The following CDH20 variants were observed in gnomAD, a reference collection of about 807,000 sequenced individuals.
The protein encoded by CDH20 is cadherin-20.
In CDH20, 29 loss-of-function variants were observed where a neutral mutation model predicts 74.2. The observed-to-expected ratio is 0.39, with a 90% CI of 0.29 to 0.53. CDH20 has a LOEUF of 0.53. Among genes scored for constraint, CDH20 ranks in the 20% least tolerant of loss-of-function variants. The pLI is 0.69. For missense variants in CDH20, 988 were observed against 1,048.3 expected, an observed-to-expected ratio of 0.94 and a Z score of 0.79; for synonymous variants, 469 against 405.4, an observed-to-expected ratio of 1.16 and a Z score of -1.88.
intron 1 of CDH20, among the ~76,000 whole-genome samples, chr18:61,482,270 C>A (rs896717958): frequency 6.6e-6 from 1 of 152,156 alleles, no homozygotes; most frequent in African/African-American, 2.4e-5. Context: ...TTTATTCCTG[C>A]GTATAAAACC....
intron 6 of CDH20, among the ~76,000 whole-genome samples, chr18:61,524,616 TAAAA>T: frequency 6.6e-6 from 1 of 151,954 alleles, no homozygotes; most frequent in Non-Finnish European, 1.5e-5. Context: ...TACGTGGAAA[TAAAA>T]AAAGAACAAA....
At chr18:61,432,001 T>G (rs894282181) in intron 1 of CDH20, among the ~76,000 whole-genome samples, 6 of 151,976 alleles carry the variant, frequency 3.9e-5, no homozygotes, top group African/African-American at 1.5e-4. Context: ...CTTTGGGATG[T>G]CGAGGCGGGC....
intron 1 of CDH20, among the ~76,000 whole-genome samples, chr18:61,396,839 G>A (rs1911996972): frequency 6.6e-6 from 1 of 152,200 alleles, no homozygotes. Context: ...CTAACATCCT[G>A]GGGCCAGGGG....
chr18:61,389,527 A>G (rs1911702426), intron 1 of CDH20, among the ~76,000 whole-genome samples: 1 of 152,348 alleles, frequency 6.6e-6, no homozygotes, highest in African/African-American at 2.4e-5. Context: ...TACTTATTCA[A>G]TAAATATTAA....
intron 7 of CDH20, among the ~76,000 whole-genome samples, chr18:61,536,145 A>C (rs1048232218): frequency 3.3e-5 from 5 of 152,286 alleles, no homozygotes; most frequent in African/African-American, 1.2e-4. Context: ...TTTTTAAACA[A>C]ATATATACAG....
intron 6 of CDH20, among the ~76,000 whole-genome samples, chr18:61,523,749 A>G (rs931400934): frequency 1.1e-4 from 16 of 152,184 alleles, no homozygotes; most frequent in African/African-American, 3.9e-4. Context: ...ATAAAAAAGG[A>G]GGAGTTCATG....
At chr18:61,439,037 G>A (rs1908936702) in intron 1 of CDH20, among the ~76,000 whole-genome samples, 1 of 151,988 alleles carries the variant, frequency 6.6e-6, no homozygotes, top group South Asian at 2.1e-4. Context: ...TCACAAGTGG[G>A]GGCAAAACAT....
At chr18:61,485,319 A>T (rs1389720533) in intron 1 of CDH20, among the ~76,000 whole-genome samples, 2 of 152,188 alleles carry the variant, frequency 1.3e-5, no homozygotes, top group African/African-American at 4.8e-5. Context: ...GATATATCTC[A>T]TTTCAGAAAT....
intron 11 of CDH20, among the ~76,000 whole-genome samples, chr18:61,552,566 G>A (rs566305534): frequency 3.9e-5 from 6 of 152,000 alleles, no homozygotes; most frequent in Non-Finnish European, 8.8e-5. Flanking sequence ...ACCACTTCAA[G>A]GTCACCTCTG....
intron 1 of CDH20, among the ~76,000 whole-genome samples, chr18:61,354,190 A>G (rs1279637132): frequency 6.6e-6 from 1 of 152,232 alleles, no homozygotes; most frequent in East Asian, 1.9e-4. Flanking sequence ...CCACCTGTGC[A>G]GATGGTTCTC....
At chr18:61,401,942 A>T (rs1272078039) in intron 1 of CDH20, among the ~76,000 whole-genome samples, 1 of 152,220 alleles carries the variant, frequency 6.6e-6, no homozygotes, top group African/African-American at 2.4e-5. Context: ...TCACATGAAT[A>T]CTTCCTGCCA....
chr18:61,522,339 C>A (rs772834578), intron 6 of CDH20, among the ~76,000 whole-genome samples: 1 of 152,168 alleles, frequency 6.6e-6, no homozygotes, highest in Non-Finnish European at 1.5e-5. Flanking sequence ...AATAAAATAT[C>A]TAGGAATCAA....
intron 1 of CDH20, among the ~76,000 whole-genome samples, chr18:61,368,086 T>A (rs1205234349): frequency 2.6e-5 from 4 of 152,100 alleles, no homozygotes; most frequent in Non-Finnish European, 5.9e-5. Flanking sequence ...AACATATGAA[T>A]TTTTTGGAAG....
At chr18:61,467,337 A>C (rs1909996937) in intron 1 of CDH20, among the ~76,000 whole-genome samples, 2 of 152,160 alleles carry the variant, frequency 1.3e-5, no homozygotes, top group South Asian at 4.1e-4. Context: ...TTTCCACATC[A>C]TCACAATGAA....
chr18:61,499,454 C>A lies in CDH20; in HGVS notation c.515C>A (p.Ala172Asp), dbSNP rs749526811. ...AAGTTCCTGGACGGACCTTATGTGG[C>A]CACTGTGCCAGAAATGTCCCCTGTG... ...EPKFLDGPYV[A>D]TVPEMSPVGT... Residue 172 changes from alanine (A) to aspartate (D), a missense_variant, in exon 3 of 12, where the codon GCC (alanine) becomes GAC (aspartate). Around this residue, in one of 2 missense-constraint regions of CDH20, gnomAD observed 613 missense variants for 755.2 expected, o/e 0.81. Transcript: ENST00000262717. The A allele has an allele frequency of 6.2e-7, 1 of 1,609,072 alleles. No individual in the cohort carries two copies. Among genetic ancestry groups the A allele is most frequent in the South Asian group, 1.1e-5 (1 of 90,686 alleles).
chr18:61,429,714 C>G (rs540476642), intron 1 of CDH20, among the ~76,000 whole-genome samples: 1 of 152,156 alleles, frequency 6.6e-6, no homozygotes, highest in Non-Finnish European at 1.5e-5. Context: ...CAAATCACCT[C>G]GGCAATTCTC....
intron 9 of CDH20, 66 bp downstream of exon 9, chr18:61,539,211 C>T (rs896319785): frequency 1.3e-6 from 2 of 1,528,232 alleles, no homozygotes; most frequent in Non-Finnish European, 1.8e-6. Context: ...TGTTAGATAA[C>T]CAAATTCACC....
At chr18:61,382,254 C>G (rs1291723764) in intron 1 of CDH20, among the ~76,000 whole-genome samples, 2 of 152,174 alleles carry the variant, frequency 1.3e-5, no homozygotes. Context: ...GTCTACACTT[C>G]AAAACATTCT....
rs1043977534 is a variant in CDH20, at chr18:61,423,368, T to C, written c.-152-67034T>C. Among the ~76,000 whole-genome samples, 11 of 147,290 alleles carry C rather than the reference T, an allele frequency of 7.5e-5. No individual in the cohort carries two copies. The East Asian group carries it at 1.5e-3, about 21-fold the overall frequency. On this transcript the variant is annotated intron_variant, in intron 1 of 11. Coordinates refer to ENST00000262717, the MANE Select transcript of CDH20 (RefSeq NM_031891.4). ...TCCTGCTTGAGCTCCTCTAAGTGTG[T>C]CTGAGGACTCATGCCTTCTTGTAAA... is the stretch of plus-strand genomic sequence containing the variant.
Sources: allele counts gnomAD v4.1 joint callset (sites outside exome capture counted in the v4.1 genomes callset), GRCh38; gene constraint gnomAD v4.1.1; regional missense constraint gnomAD v4.1.1; transcripts MANE v1.5; gene names NCBI Gene and HGNC (gene_info 2026-07-23, HGNC 2026-07-21).